The following RNF175 variants were observed in gnomAD, a reference collection of about 807,000 sequenced individuals.
RNF175 encodes ring finger protein 175.
A neutral mutation model predicts 50.0 loss-of-function variants in RNF175; 38 were observed. The observed-to-expected ratio is 0.76, with a 90% CI of 0.59 to 1.00. The LOEUF (loss-of-function observed/expected upper bound fraction) is 1.00, where lower values mean the gene tolerates loss of function less well. Among genes scored for constraint, RNF175 ranks in the 50% least tolerant of loss-of-function variants. The pLI, the probability that RNF175 is intolerant of heterozygous loss-of-function variation, is 0.00. For synonymous variants in RNF175, 155 were observed against 146.1 expected (o/e 1.06, Z -0.44); for missense variants, 388 against 409.6 (o/e 0.95, Z 0.46).
intron 8 of RNF175, among the ~76,000 whole-genome samples, 182 bp from the exon 9 acceptor site, chr4:153,710,671 C>T (rs1434157689): frequency 6.6e-6 from 1 of 152,184 alleles, no homozygotes; most frequent in Non-Finnish European, 1.5e-5. Context: ...TTGTTACTTA[C>T]ACCACACCCA....
chr4:153,725,291 T>C (rs1386428119), intron 4 of RNF175, among the ~76,000 whole-genome samples: 1 of 152,162 alleles, frequency 6.6e-6, no homozygotes. Context: ...TTTTCATTTG[T>C]CAGTACTGAG....
intron 3 of RNF175, among the ~76,000 whole-genome samples, chr4:153,733,704 G>A (rs1739174488): frequency 6.6e-6 from 1 of 152,058 alleles, no homozygotes; most frequent in African/African-American, 2.4e-5. Flanking sequence ...TTTCTCCCTG[G>A]AATCCCCCAA....
intron 3 of RNF175, among the ~76,000 whole-genome samples, chr4:153,730,518 T>A (rs908703438): frequency 6.6e-6 from 1 of 152,344 alleles, no homozygotes; most frequent in Admixed American, 6.5e-5. Context: ...GATAGTTCTT[T>A]ATCATAAATT....
chr4:153,759,928 A>T lies in RNF175; in HGVS notation c.-66T>A. On this transcript the variant is annotated 5_prime_UTR_variant, in exon 1 of 9. Coordinates refer to ENST00000347063, the MANE Select transcript of RNF175 (RefSeq NM_173662.4). ...GGGGAGGGTCCCGCAGAGTCCGCAGAAGGAGGCGCCGCGGGGCCTCGGGAG... is the reference window on the plus strand; with the variant it reads ...GGGGAGGGTCCCGCAGAGTCCGCAGTAGGAGGCGCCGCGGGGCCTCGGGAG... 1 of 1,006,374 alleles carries T rather than the reference A, an allele frequency of 9.9e-7. No homozygotes were observed. The highest frequency in any genetic ancestry group is 1.7e-5 in the African/African-American group (1 of 59,166). The allele number at this position is 1,006,374 out of a possible 1,614,324, so 62.3% of individuals were successfully genotyped here. A position where few individuals can be genotyped will look rare whatever the true frequency, so the allele number is the denominator to read the frequency against.
At chr4:153,744,127 A>G (rs12641631) in intron 3 of RNF175, among the ~76,000 whole-genome samples, 24,133 of 152,162 alleles carry the variant, frequency 0.16, 2,536 homozygotes, top group East Asian at 0.37. Flanking sequence ...CCACCTCAAA[A>G]ATCATCAAAT....
At chr4:153,758,661 A>G (rs1400950163) in intron 1 of RNF175, among the ~76,000 whole-genome samples, 7 of 152,078 alleles carry the variant, frequency 4.6e-5, no homozygotes, top group African/African-American at 1.7e-4. Context: ...GCCCCTCCAC[A>G]GCCTAGCCCA....
intron 3 of RNF175, among the ~76,000 whole-genome samples, chr4:153,741,754 T>C (rs1739671269): frequency 6.6e-6 from 1 of 152,208 alleles, no homozygotes; most frequent in Admixed American, 6.5e-5. Context: ...AATTTCATCA[T>C]TTTAAATATT....
At chr4:153,738,028 C>T (rs183457668) in intron 3 of RNF175, among the ~76,000 whole-genome samples, 36 of 152,244 alleles carry the variant, frequency 2.4e-4, no homozygotes, top group African/African-American at 8.7e-4. Flanking sequence ...TAACTGACCC[C>T]TTTATCATTA....
At chr4:153,712,350 G>C in intron 8 of RNF175, 125 bp downstream of exon 8, 1 of 624,652 alleles carries the variant, frequency 1.6e-6, no homozygotes, top group Non-Finnish European at 2.8e-6. Context: ...TTTGAAATAG[G>C]TGGTTAGGGA....
At chr4:153,749,247 G>A (rs142528946) in intron 2 of RNF175, among the ~76,000 whole-genome samples, 39 of 152,322 alleles carry the variant, frequency 2.6e-4, no homozygotes, top group African/African-American at 9.1e-4. Flanking sequence ...TAACTGACAA[G>A]GTTGTTGTAA....
At chr4:153,719,996 A>G (rs1403297238) in intron 6 of RNF175, among the ~76,000 whole-genome samples, 188 bp downstream of exon 6, 1 of 152,260 alleles carries the variant, frequency 6.6e-6, no homozygotes, top group Non-Finnish European at 1.5e-5. Context: ...TTAATTAACA[A>G]AGAATTTTTT....
chr4:153,748,840 G>GA, intron 2 of RNF175, 54 bp from the exon 3 acceptor site: 1 of 1,315,686 alleles, frequency 7.6e-7, no homozygotes, highest in Non-Finnish European at 1.0e-6. Flanking sequence ...TGCGCATTTA[G>GA]CAAAAAAAAC....
intron 3 of RNF175, among the ~76,000 whole-genome samples, chr4:153,730,268 A>G (rs1738955634): frequency 6.6e-6 from 1 of 152,086 alleles, no homozygotes; most frequent in Non-Finnish European, 1.5e-5. Context: ...AACATGGCCA[A>G]ACCCTGTCTC....
intron 2 of RNF175, 139 bp downstream of exon 2, chr4:153,751,299 T>C (rs1740278041): frequency 1.1e-5 from 7 of 665,786 alleles, no homozygotes; most frequent in Non-Finnish European, 1.9e-5. Flanking sequence ...TTTTGGTCTG[T>C]AGTATTTGTG....
chr4:153,715,697 G>C, intron 6 of RNF175, 35 bp from the exon 7 acceptor site: 2 of 1,599,512 alleles, frequency 1.3e-6, no homozygotes, highest in Non-Finnish European at 1.7e-6. Context: ...CAGTCAGAAA[G>C]GAGAGCACAT....
At chr4:153,722,264 C>T (rs185754589) in intron 5 of RNF175, among the ~76,000 whole-genome samples, 1 of 152,318 alleles carries the variant, frequency 6.6e-6, no homozygotes, top group Admixed American at 6.5e-5. Context: ...GTCTCAGCAA[C>T]CACCTTAAGT....
chr4:153,743,249 G>T (rs1739776090), intron 3 of RNF175, among the ~76,000 whole-genome samples: 1 of 152,166 alleles, frequency 6.6e-6, no homozygotes, highest in South Asian at 2.1e-4. Flanking sequence ...AAATGGCTGT[G>T]CTCTGATGAC....
intron 6 of RNF175, among the ~76,000 whole-genome samples, chr4:153,718,046 G>C (rs1023616382): frequency 6.6e-6 from 1 of 151,896 alleles, no homozygotes; most frequent in Admixed American, 6.6e-5. Flanking sequence ...GGCAACCATG[G>C]ATCTGTTTAG....
chr4:153,744,958 C>T (rs1739891348), intron 3 of RNF175, among the ~76,000 whole-genome samples: 2 of 152,130 alleles, frequency 1.3e-5, no homozygotes, highest in Admixed American at 6.5e-5. Flanking sequence ...TAATACAGAA[C>T]TCAAAAGAAT....
Sources: allele counts gnomAD v4.1 joint callset (sites outside exome capture counted in the v4.1 genomes callset), GRCh38; gene constraint gnomAD v4.1.1; transcripts MANE v1.5; gene names NCBI Gene and HGNC (gene_info 2026-07-23, HGNC 2026-07-21).